Variants in LRRC4C observed in about 807,000 individuals in gnomAD.
The protein encoded by LRRC4C is leucine rich repeat containing 4C.
A neutral mutation model predicts 33.6 loss-of-function variants in LRRC4C; 5 were observed. That is an observed-to-expected ratio of 0.15 (90% CI 0.08 to 0.31). LRRC4C has a LOEUF of 0.31. Among genes scored for constraint, LRRC4C ranks in the 10% least tolerant of loss-of-function variants. LRRC4C has a pLI of 1.00. For missense variants in LRRC4C, 560 were observed against 796.7 expected, an observed-to-expected ratio of 0.70 and a Z score of 3.58; for synonymous variants, 329 against 302.0, an observed-to-expected ratio of 1.09 and a Z score of -0.93.
chr11:40,773,603 T>C (rs7942460), intron 2 of LRRC4C, among the ~76,000 whole-genome samples: 4,051 of 152,060 alleles, frequency 0.027, 190 homozygotes, highest in African/African-American at 0.094. Flanking sequence ...GCAAAACCTA[T>C]ATGAAGAAAT....
At chr11:40,502,404 C>T (rs890067328) in intron 3 of LRRC4C, among the ~76,000 whole-genome samples, 7 of 151,954 alleles carry the variant, frequency 4.6e-5, no homozygotes, top group South Asian at 4.2e-4. Flanking sequence ...ATACTGGAGA[C>T]GGGGAAGAAG....
chr11:40,203,991 T>C (rs958372114), intron 5 of LRRC4C, among the ~76,000 whole-genome samples: 4 of 152,166 alleles, frequency 2.6e-5, no homozygotes, highest in African/African-American at 7.2e-5. Flanking sequence ...GGCACAATCA[T>C]AGCTCACTGC....
chr11:40,444,114 T>C (rs909498494), intron 3 of LRRC4C, among the ~76,000 whole-genome samples: 2 of 152,138 alleles, frequency 1.3e-5, no homozygotes, highest in African/African-American at 2.4e-5. Flanking sequence ...CCGTGCAGTG[T>C]TGTAACACTT....
At chr11:41,206,807 C>A (rs1217887877) in intron 1 of LRRC4C, among the ~76,000 whole-genome samples, 2 of 151,970 alleles carry the variant, frequency 1.3e-5, no homozygotes, top group African/African-American at 4.8e-5. Context: ...TAATCTCAAT[C>A]CTCATAACCA....
rs551187407 is a variant in LRRC4C, at chr11:40,114,518, T to C, written c.1775A>G (p.His592Arg). 3 of 1,614,186 alleles carry C rather than the reference T, an allele frequency of 1.9e-6. No homozygotes were observed. The highest frequency in any genetic ancestry group is 1.3e-5 in the African/African-American group (1 of 75,056). The change falls in exon 7 of 7, where the codon CAT becomes CGT. Residue 592 changes from histidine to arginine, a missense_variant. This residue lies in a region of LRRC4C where 103 missense variants were observed against 132.1 expected (regional missense o/e 0.78). Coordinates refer to ENST00000528697, the MANE Select transcript of LRRC4C (RefSeq NM_001258419.2). ...ESHLPMPAIE[H>R]EHLNHYNSYK... is the part of the protein sequence containing the mutation. The stretch of plus-strand genomic sequence containing the variant: ...TGAGTTATAGTGATTTAGGTGCTCA[T>C]GCTCGATAGCAGGCATGGGCAGGTG...
intron 3 of LRRC4C, among the ~76,000 whole-genome samples, chr11:40,603,198 A>G (rs1390175): frequency 0.96 from 145,705 of 152,248 alleles, 70,023 homozygotes; most frequent in Middle Eastern, 1. Flanking sequence ...GTAACATCAA[A>G]CCACTGAGGC....
intron 2 of LRRC4C, among the ~76,000 whole-genome samples, chr11:40,758,861 C>T (rs996442033): frequency 2.0e-5 from 3 of 151,942 alleles, no homozygotes; most frequent in African/African-American, 4.8e-5. Flanking sequence ...CACCAAAACC[C>T]ATTCAGGTAA....
At chr11:41,073,587 G>A (rs921316675) in intron 1 of LRRC4C, among the ~76,000 whole-genome samples, 2 of 152,144 alleles carry the variant, frequency 1.3e-5, no homozygotes, top group Non-Finnish European at 1.5e-5. Flanking sequence ...GTGAATTCAG[G>A]GGGCTAATGA....
chr11:40,474,945 G>T (rs985948109), intron 3 of LRRC4C, among the ~76,000 whole-genome samples: 3 of 152,144 alleles, frequency 2.0e-5, no homozygotes, highest in Non-Finnish European at 2.9e-5. Flanking sequence ...TAAAATGTCA[G>T]GAAACAACAG....
intron 1 of LRRC4C, among the ~76,000 whole-genome samples, chr11:41,325,258 T>C (rs1951074382): frequency 6.6e-6 from 1 of 152,128 alleles, no homozygotes; most frequent in East Asian, 1.9e-4. Context: ...TGTGAATGAT[T>C]CTTGACAAAA....
intron 3 of LRRC4C, among the ~76,000 whole-genome samples, chr11:40,393,590 C>T (rs761695573): frequency 2.6e-5 from 4 of 152,154 alleles, no homozygotes; most frequent in African/African-American, 7.2e-5. Context: ...CAGGATAACT[C>T]GGTACTTAAC....
At chr11:41,126,488 C>T (rs1942748416) in intron 1 of LRRC4C, among the ~76,000 whole-genome samples, 1 of 151,882 alleles carries the variant, frequency 6.6e-6, no homozygotes, top group Non-Finnish European at 1.5e-5. Flanking sequence ...TATGGGGTCT[C>T]ACCAGAAAGT....
At chr11:40,459,387 A>G (rs769427708) in intron 3 of LRRC4C, among the ~76,000 whole-genome samples, 3 of 151,782 alleles carry the variant, frequency 2.0e-5, no homozygotes, top group Non-Finnish European at 2.9e-5. Context: ...GCACTCAGGA[A>G]TCTGTCAGCC....
intron 2 of LRRC4C, among the ~76,000 whole-genome samples, chr11:40,724,054 A>G (rs1947163802): frequency 6.6e-6 from 1 of 152,302 alleles, no homozygotes; most frequent in South Asian, 2.1e-4. Context: ...ATTCAACAAG[A>G]AAGCTTAATT....
intron 6 of LRRC4C, among the ~76,000 whole-genome samples, chr11:40,137,515 C>A (rs1184981188): frequency 2.0e-5 from 3 of 152,072 alleles, no homozygotes; most frequent in African/African-American, 7.2e-5. Flanking sequence ...AAGAGACTAC[C>A]CACTACCCTC....
At chr11:41,036,445 G>C (rs1468648952) in intron 1 of LRRC4C, among the ~76,000 whole-genome samples, 5 of 152,106 alleles carry the variant, frequency 3.3e-5, no homozygotes, top group African/African-American at 1.2e-4. Flanking sequence ...TTCATTTTAA[G>C]AAACCCATAG....
chr11:40,804,150 A>G (rs1394760913), intron 2 of LRRC4C, among the ~76,000 whole-genome samples: 1 of 152,054 alleles, frequency 6.6e-6, no homozygotes, highest in African/African-American at 2.4e-5. Flanking sequence ...TCCTAATTTT[A>G]CTAAAAATAC....
intron 1 of LRRC4C, among the ~76,000 whole-genome samples, chr11:41,398,981 G>A (rs1373168773): frequency 1.3e-5 from 2 of 151,890 alleles, no homozygotes; most frequent in Non-Finnish European, 2.9e-5. Flanking sequence ...GTTGAAAACA[G>A]ATGTACAAAA....
chr11:41,148,881 G>T (rs1350674228), intron 1 of LRRC4C, among the ~76,000 whole-genome samples: 1 of 152,094 alleles, frequency 6.6e-6, no homozygotes, highest in African/African-American at 2.4e-5. Flanking sequence ...TGATAATTAC[G>T]TTAGCTATTG....
Sources: allele counts gnomAD v4.1 joint callset (sites outside exome capture counted in the v4.1 genomes callset), GRCh38; gene constraint gnomAD v4.1.1; regional missense constraint gnomAD v4.1.1; transcripts MANE v1.5; gene names NCBI Gene and HGNC (gene_info 2026-07-23, HGNC 2026-07-21).